Variants in NBN observed in about 807,000 individuals in gnomAD.
The protein encoded by NBN is nibrin.
A neutral mutation model predicts 90.8 loss-of-function variants in NBN; 88 were observed. That is an observed-to-expected ratio of 0.97 (90% CI 0.82 to 1.16). The LOEUF is 1.16. Ranked by LOEUF, NBN falls within the 50% of genes most tolerant of loss-of-function variation. The pLI is 0.00. For synonymous variants in NBN, 328 were observed against 295.1 expected (o/e 1.11, Z -1.14); for missense variants, 894 against 869.6 (o/e 1.03, Z -0.35).
rs878854508 is a variant in NBN at position 89,946,244 on chromosome 8, A to G, written c.1966T>C (p.Leu656=). The G allele has an allele frequency of 6.9e-6, 11 of 1,588,390 alleles. No individual in the cohort carries two copies. Among genetic ancestry groups the G allele is most frequent in the South Asian group, 1.1e-5 (1 of 90,432 alleles). ...ATCACCAGTGATCTAAATTCAGTCA[A>G]TAACAGCTTTTTTGGAAGCATCTCA... ...DSEMLPKKLL[L]TEFRSLVIKN... The change falls in exon 13 of 16, where the codon TTG becomes CTG. Residue 656 remains leucine, a synonymous_variant. Transcript: ENST00000265433.
At chr8:89,970,703 A>G (rs557876685) in intron 6 of NBN, 146 bp from the exon 7 acceptor site, 1 of 782,270 alleles carries the variant, frequency 1.3e-6, no homozygotes, top group Non-Finnish European at 2.1e-6. Flanking sequence ...ACTTTGAGAA[A>G]GTCCCTAGTT....
rs13312885 is a variant in NBN at position 89,969,426 on chromosome 8, T to C, written c.896+938A>G. 3.5e-3 allele frequency among the ~76,000 whole-genome samples: 528 copies of C among 152,324 alleles called. 2 individuals carry two copies. The highest frequency in any genetic ancestry group is 0.012 in the African/African-American group (498 of 41,574). ...GCAAATACATTTCAACGCTAGGCAATTGCAGAAAACCTTTTACCGTTGAGT... is the reference window on the plus strand; with the variant it reads ...GCAAATACATTTCAACGCTAGGCAACTGCAGAAAACCTTTTACCGTTGAGT... On this transcript the variant is annotated intron_variant, in intron 7 of 15. Transcript: ENST00000265433.
intron 2 of NBN, chr8:89,982,332 C>T: frequency 3.3e-6 from 1 of 298,732 alleles, no homozygotes; most frequent in Non-Finnish European, 6.5e-6. Context: ...AAGGTCTGTT[C>T]ATTGTTCTAT....
At chr8:89,969,609 C>G (rs2129821558) in intron 7 of NBN, among the ~76,000 whole-genome samples, 1 of 152,200 alleles carries the variant, frequency 6.6e-6, no homozygotes, top group East Asian at 1.9e-4. Context: ...ATCTAATATA[C>G]CAAGTCACAA....
chr8:89,961,989 T>C (rs1811011536), intron 8 of NBN, among the ~76,000 whole-genome samples: 1 of 152,036 alleles, frequency 6.6e-6, no homozygotes, highest in South Asian at 2.1e-4. Flanking sequence ...GAATTTCAGG[T>C]CTTGGTGATA....
intron 1 of NBN, 92 bp from the exon 2 acceptor site, chr8:89,982,947 G>A: frequency 7.7e-7 from 1 of 1,290,326 alleles, no homozygotes; most frequent in Admixed American, 1.8e-5. Context: ...ATATGATATA[G>A]GTATGACAAA....
At chr8:89,938,578 G>T (rs907574622) in intron 14 of NBN, among the ~76,000 whole-genome samples, 4 of 151,938 alleles carry the variant, frequency 2.6e-5, no homozygotes, top group Non-Finnish European at 5.9e-5. Context: ...ACTTAGGTTA[G>T]GTAAACCTGC....
intron 5 of NBN, among the ~76,000 whole-genome samples, chr8:89,977,292 C>G (rs1006295827): frequency 1.3e-5 from 2 of 152,080 alleles, no homozygotes; most frequent in African/African-American, 4.8e-5. Flanking sequence ...CATTGTTCCA[C>G]TCCCACTTAT....
Position 89,953,239 on chromosome 8 carries a change from C to T in NBN, c.1845+5G>A. 1 of 1,580,128 alleles carries T rather than the reference C, an allele frequency of 6.3e-7. No homozygotes were observed. Reference sequence around the variant, plus strand: ...ACTATACCTCTCATTTAAAATGTTACTTACAGATATTTTGCTACTTTCTGG... The same window carrying T: ...ACTATACCTCTCATTTAAAATGTTATTTACAGATATTTTGCTACTTTCTGG... On this transcript the variant is annotated splice_donor_5th_base_variant and intron_variant, in intron 11 of 15. Coordinates refer to ENST00000265433, the MANE Select transcript of NBN (RefSeq NM_002485.5).
At chr8:89,981,708 G>C (rs775659051) in intron 2 of NBN, 185 bp from the exon 3 acceptor site, 25 of 662,132 alleles carry the variant, frequency 3.8e-5, no homozygotes, top group Non-Finnish European at 5.5e-5. Flanking sequence ...TCCCCTTAGG[G>C]AAGTTTCTTA....
intron 15 of NBN, among the ~76,000 whole-genome samples, chr8:89,936,778 G>A (rs1355289720): frequency 6.6e-6 from 1 of 152,078 alleles, no homozygotes; most frequent in East Asian, 1.9e-4. Context: ...ACACAATTCG[G>A]GAACCGTCTT....
At chr8:89,949,572 T>C (rs1159232816) in intron 11 of NBN, among the ~76,000 whole-genome samples, 1 of 152,184 alleles carries the variant, frequency 6.6e-6, no homozygotes, top group Non-Finnish European at 1.5e-5. Context: ...CAGGCACAGC[T>C]ATCATTCGTA....
intron 3 of NBN, 98 bp downstream of exon 3, chr8:89,981,277 T>C: frequency 7.5e-7 from 1 of 1,340,952 alleles, no homozygotes; most frequent in Non-Finnish European, 1.1e-6. Context: ...GGAACTAAAT[T>C]ATACTGTTTT....
chr8:89,954,513 G>T (rs562714854), intron 10 of NBN, among the ~76,000 whole-genome samples: 1 of 151,142 alleles, frequency 6.6e-6, no homozygotes, highest in Non-Finnish European at 1.5e-5. Context: ...GTCAAAAATT[G>T]TAACAACATA....
rs942278696 is a variant in NBN at position 89,948,452 on chromosome 8, G to C, written c.1846-560C>G. Among the ~76,000 whole-genome samples the C allele has an allele frequency of 2.0e-5, 3 of 152,158 alleles. No individual in the cohort carries two copies. The South Asian group carries it at 6.2e-4, about 31-fold the overall frequency. On this transcript the variant is annotated intron_variant, in intron 11 of 15. Transcript: ENST00000265433. Reference sequence around the variant, plus strand: ...GTTACTTCAACTGTTCAAGATATTTGTCTGCAATAAAAATGAAGACTGCCT... The same window carrying C: ...GTTACTTCAACTGTTCAAGATATTTCTCTGCAATAAAAATGAAGACTGCCT...
intron 9 of NBN, 62 bp downstream of exon 9, chr8:89,958,663 T>C: frequency 6.4e-7 from 1 of 1,563,078 alleles, no homozygotes; most frequent in Non-Finnish European, 8.8e-7. Flanking sequence ...CATTACTTCC[T>C]GAATATACTA....
chr8:89,965,138 A>G (rs1443570923), intron 7 of NBN, among the ~76,000 whole-genome samples: 1 of 152,076 alleles, frequency 6.6e-6, no homozygotes, highest in Non-Finnish European at 1.5e-5. Context: ...AAAAAAAATC[A>G]CCACAGGCTT....
chr8:89,964,141 T>G (rs1811129442), intron 8 of NBN, among the ~76,000 whole-genome samples: 2 of 149,100 alleles, frequency 1.3e-5, no homozygotes, highest in Non-Finnish European at 2.9e-5. Flanking sequence ...ACTTACCATG[T>G]GTGTGTGTTT....
chr8:89,984,234 C>T, intron 1 of NBN: 1 of 539,682 alleles, frequency 1.9e-6, no homozygotes, highest in Non-Finnish European at 3.3e-6. Flanking sequence ...CCTAGCGCTG[C>T]AACGGCGCGG....
Sources: allele counts gnomAD v4.1 joint callset (sites outside exome capture counted in the v4.1 genomes callset), GRCh38; gene constraint gnomAD v4.1.1; transcripts MANE v1.5; gene names NCBI Gene and HGNC (gene_info 2026-07-23, HGNC 2026-07-21).